Variants in SYNE2 observed in about 807,000 individuals in gnomAD.
The protein encoded by SYNE2 is nesprin-2.
SYNE2 carries 431 observed loss-of-function variants against 856.3 expected under a neutral mutation model. The ratio of observed to expected loss-of-function variants is 0.50; its 90% CI spans 0.47 to 0.55. The LOEUF (loss-of-function observed/expected upper bound fraction) is 0.55. Among genes scored for constraint, SYNE2 ranks in the 20% least tolerant of loss-of-function variants. The probability of loss-of-function intolerance (pLI) is 0.00; values close to 1 mark genes in which losing one functional copy is unlikely to be tolerated. For missense variants in SYNE2, 8,129 were observed against 8,023.2 expected (o/e 1.01, Z -0.50); for synonymous variants, 2,923 against 2,872.3 (o/e 1.02, Z -0.56).
intron 61 of SYNE2, 30 bp from the exon 62 acceptor site, chr14:64,097,919 C>T (rs1210062800): frequency 1.9e-6 from 3 of 1,613,058 alleles, no homozygotes; most frequent in Non-Finnish European, 2.5e-6. Context: ...TCAGACTTCT[C>T]AAACCTATGC....
intron 1 of SYNE2, among the ~76,000 whole-genome samples, chr14:63,903,389 TA>T (rs1410374964): frequency 6.6e-6 from 1 of 152,258 alleles, no homozygotes; most frequent in Non-Finnish European, 1.5e-5. Flanking sequence ...TTTTCATGGT[TA>T]AAAACAGAAA....
intron 2 of SYNE2, among the ~76,000 whole-genome samples, chr14:63,921,803 A>C (rs1397987475): frequency 1.3e-5 from 2 of 152,308 alleles, no homozygotes; most frequent in Admixed American, 6.5e-5. Flanking sequence ...CAGTGTAGAC[A>C]ACTCTTTCAA....
chr14:64,140,236 T>C (rs2098128972), intron 80 of SYNE2, among the ~76,000 whole-genome samples, 163 bp downstream of exon 80: 1 of 152,218 alleles, frequency 6.6e-6, no homozygotes, highest in African/African-American at 2.4e-5. Flanking sequence ...GTTTATACTG[T>C]TCATTCGTTT....
At chr14:63,945,726 G>T (rs1291531595) in intron 6 of SYNE2, among the ~76,000 whole-genome samples, 1 of 152,126 alleles carries the variant, frequency 6.6e-6, no homozygotes, top group Non-Finnish European at 1.5e-5. Context: ...CTGGGTTCAA[G>T]TGATTCTCCG....
At chr14:64,000,928 C>G (rs1281494628) in intron 28 of SYNE2, among the ~76,000 whole-genome samples, 1 of 152,202 alleles carries the variant, frequency 6.6e-6, no homozygotes, top group African/African-American at 2.4e-5. Context: ...CCAGGCCACA[C>G]TGCTAGCTAG....
chr14:64,167,211 T>C, intron 90 of SYNE2, 22 bp from the exon 91 acceptor site: 1 of 1,613,924 alleles, frequency 6.2e-7, no homozygotes, highest in Non-Finnish European at 8.5e-7. Flanking sequence ...CAAAAACCTG[T>C]ACTTCAATTT....
At chr14:64,073,883 C>A in intron 52 of SYNE2, 85 bp from the exon 53 acceptor site, 1 of 1,449,510 alleles carries the variant, frequency 6.9e-7, no homozygotes, top group Non-Finnish European at 9.6e-7. Context: ...TCAGGCATTT[C>A]ATTAATTGTT....
chr14:63,996,890 T>C, intron 23 of SYNE2, 57 bp from the exon 24 acceptor site: 3 of 1,525,242 alleles, frequency 2.0e-6, no homozygotes, highest in South Asian at 1.1e-5. Context: ...CTAGTCCTTA[T>C]GGAATAATCA....
At chr14:63,872,867 A>G (rs1452113100) in intron 1 of SYNE2, among the ~76,000 whole-genome samples, 5 of 151,746 alleles carry the variant, frequency 3.3e-5, no homozygotes, top group East Asian at 1.9e-4. Flanking sequence ...TGTGAGATTC[A>G]TCCGTCTTGG....
At position 64,022,809 on chromosome 14, in the gene SYNE2, T is replaced by C; in HGVS notation, c.5583T>C (p.Cys1861=). ...ACATTAAAGTGAACCTTAAGGAGTG[T>C]TTTGAATCATCAGAAACAAAAAAGA... ...FSNIKVNLKE[C]FESSETKKSV... The change falls in exon 38 of 116, where the codon TGT becomes TGC. Residue 1861 remains cysteine (C), a synonymous_variant. Transcript: ENST00000555002. 6.2e-7 allele frequency: 1 copy of C among 1,612,310 alleles called. No individual in the cohort carries two copies.
At chr14:64,144,025 T>C (rs947045096) in intron 83 of SYNE2, 77 bp downstream of exon 83, 1 of 1,544,258 alleles carries the variant, frequency 6.5e-7, no homozygotes, top group African/African-American at 1.4e-5. Context: ...AAAAAGACGT[T>C]CAATTAGTTG....
At position 64,068,643 on chromosome 14, in the gene SYNE2, C is replaced by T. The variant is rs537322820; in HGVS notation, c.10432-2002C>T. On this transcript the variant is annotated intron_variant, in intron 51 of 115. Transcript: ENST00000555002. ...TTGGGTGGCCTAGACAGGTGGATCA[C>T]GAGGTCAGGAGTTCAAGATCAGCCT... is the stretch of plus-strand genomic sequence containing the variant. Among the ~76,000 whole-genome samples, 34 of 151,978 alleles carry T rather than the reference C, an allele frequency of 2.2e-4. No homozygotes were observed. The East Asian group carries it at 2.3e-3, about 10-fold the overall frequency.
chr14:64,001,343 A>G (rs1001171615), intron 28 of SYNE2, among the ~76,000 whole-genome samples: 2 of 152,232 alleles, frequency 1.3e-5, no homozygotes, highest in Non-Finnish European at 2.9e-5. Flanking sequence ...AAGGCTTAGT[A>G]TGTTTTACAA....
intron 7 of SYNE2, among the ~76,000 whole-genome samples, chr14:63,951,766 G>A (rs563026992): frequency 6.6e-6 from 1 of 152,244 alleles, no homozygotes; most frequent in Admixed American, 6.5e-5. Context: ...ATCCCAAACA[G>A]TATTTGTGAA....
At chr14:63,958,697 G>T (rs1255877) in intron 8 of SYNE2, among the ~76,000 whole-genome samples, 3 of 151,914 alleles carry the variant, frequency 2.0e-5, no homozygotes, top group Non-Finnish European at 4.4e-5. Context: ...GGAGAGTTAA[G>T]GCTCACTCTC....
intron 1 of SYNE2, among the ~76,000 whole-genome samples, chr14:63,838,635 T>C (rs1889943077): frequency 6.6e-6 from 1 of 151,982 alleles, no homozygotes; most frequent in African/African-American, 2.4e-5. Flanking sequence ...CCAGCCTCCG[T>C]AGTAGCCAGA....
Position 64,003,232 on chromosome 14 carries a change from T to C in SYNE2, c.4299T>C (p.Ile1433=). ...TEENKLLEAC[I]FKNNELLKNI... is the part of the protein sequence containing the mutation. ...AAAACAAATTACTAGAGGCTTGTAT[T>C]TTCAAAAATAATGAACTCCTTAAAA... Residue 1433 remains isoleucine (I), a synonymous_variant, in exon 30 of 116, where the codon ATT becomes ATC. Transcript: ENST00000555002. The C allele has an allele frequency of 6.2e-7, 1 of 1,613,716 alleles. No individual in the cohort carries two copies. The highest frequency in any genetic ancestry group is 8.5e-7 in the Non-Finnish European group (1 of 1,179,854).
chr14:63,827,638 A>AAAAAC (rs1566592955), intron 1 of SYNE2, among the ~76,000 whole-genome samples: 18 of 102,148 alleles, frequency 1.8e-4, no homozygotes, highest in South Asian at 3.8e-4. Flanking sequence ...AAAAAAAAAA[A>AAAAAC]AAAAAAAAAA....
chr14:64,174,076 T>TC, intron 94 of SYNE2: 1 of 537,308 alleles, frequency 1.9e-6, no homozygotes, highest in Non-Finnish European at 3.3e-6. Context: ...AAATTTTTTT[T>TC]TTTTTTTTTC....
Sources: allele counts gnomAD v4.1 joint callset (sites outside exome capture counted in the v4.1 genomes callset), GRCh38; gene constraint gnomAD v4.1.1; transcripts MANE v1.5; gene names NCBI Gene and HGNC (gene_info 2026-07-23, HGNC 2026-07-21).